The following ROBO2 variants were observed in gnomAD, a reference collection of about 807,000 sequenced individuals.
The protein encoded by ROBO2 is roundabout homolog 2.
In ROBO2, 53 loss-of-function variants were observed where a neutral mutation model predicts 160.8. The ratio of observed to expected loss-of-function variants is 0.33; its 90% CI spans 0.26 to 0.41. The LOEUF is 0.41. Among genes scored for constraint, ROBO2 ranks in the 10% least tolerant of loss-of-function variants. The pLI is 1.00. For missense variants in ROBO2, 1,577 were observed against 1,722.4 expected (o/e 0.92, Z 1.49); for synonymous variants, 664 against 611.7 (o/e 1.09, Z -1.26).
At chr3:77,247,647 C>T (rs1279197668) in intron 2 of ROBO2, among the ~76,000 whole-genome samples, 1 of 152,192 alleles carries the variant, frequency 6.6e-6, no homozygotes, top group Non-Finnish European at 1.5e-5. Context: ...TTAGAATCCT[C>T]TTCCTTGACG....
intron 2 of ROBO2, among the ~76,000 whole-genome samples, chr3:76,601,826 C>T (rs1486833869): frequency 6.6e-6 from 1 of 152,182 alleles, no homozygotes; most frequent in East Asian, 1.9e-4. Flanking sequence ...ATGAATTTCC[C>T]CTCAGAAAAT....
At chr3:75,947,302 A>G (rs966398697) in intron 2 of ROBO2, among the ~76,000 whole-genome samples, 1 of 152,152 alleles carries the variant, frequency 6.6e-6, no homozygotes, top group Admixed American at 6.6e-5. Flanking sequence ...TGTGAGTTAG[A>G]TAATCATAGC....
intron 2 of ROBO2, among the ~76,000 whole-genome samples, chr3:76,394,709 C>G (rs936132649): frequency 6.6e-6 from 1 of 151,920 alleles, no homozygotes; most frequent in East Asian, 1.9e-4. Context: ...CTTGAAACCA[C>G]CAACGATCAA....
intron 23 of ROBO2, among the ~76,000 whole-genome samples, chr3:77,628,225 T>C (rs1296056662): frequency 6.6e-6 from 1 of 152,170 alleles, no homozygotes; most frequent in Non-Finnish European, 1.5e-5. Context: ...GTATTGATTA[T>C]GTTTGGGGCT....
chr3:77,623,463 T>C (rs1205074157), intron 23 of ROBO2, among the ~76,000 whole-genome samples: 2 of 152,210 alleles, frequency 1.3e-5, no homozygotes, highest in Non-Finnish European at 2.9e-5. Context: ...TGGGAACTGG[T>C]TTATGACAGG....
chr3:76,215,869 A>G (rs1703486139), intron 2 of ROBO2, among the ~76,000 whole-genome samples: 1 of 152,222 alleles, frequency 6.6e-6, no homozygotes, highest in Non-Finnish European at 1.5e-5. Context: ...CAGATTCACC[A>G]AAGTTGAAAT....
chr3:76,428,165 C>A (rs551027879), intron 2 of ROBO2, among the ~76,000 whole-genome samples: 152 of 152,138 alleles, frequency 1.0e-3, no homozygotes, highest in Non-Finnish European at 1.8e-3. Flanking sequence ...ATATAGAAGA[C>A]CTCATAAGTT....
At position 76,385,620 on chromosome 3, in the gene ROBO2, A is replaced by G. The variant is rs112607582; in HGVS notation, c.109+448018A>G. ...ATAGAATTTGCATAATCACATAATT[A>G]TTAAACTCAGGCATTTTTCAAAGGC... On this transcript the variant is annotated intron_variant, in intron 2 of 26. Coordinates refer to the ROBO2 transcript ENST00000487694. Among the ~76,000 whole-genome samples the G allele has an allele frequency of 4.4e-3, 666 of 152,382 alleles. 5 individuals are homozygous for G. Among genetic ancestry groups the G allele is most frequent in the African/African-American group, 0.015 (632 of 41,594 alleles).
At chr3:76,284,320 T>G (rs1708399394) in intron 2 of ROBO2, among the ~76,000 whole-genome samples, 1 of 151,988 alleles carries the variant, frequency 6.6e-6, no homozygotes, top group Non-Finnish European at 1.5e-5. Context: ...TTAATTATCC[T>G]AAGGAGATTC....
chr3:77,033,420 A>C (rs2149567180), intron 2 of ROBO2, among the ~76,000 whole-genome samples: 1 of 152,344 alleles, frequency 6.6e-6, no homozygotes. Context: ...AACATGACTC[A>C]GAATGAGGGC....
chr3:76,840,537 A>T (rs1418294133), intron 2 of ROBO2, among the ~76,000 whole-genome samples: 2 of 150,476 alleles, frequency 1.3e-5, no homozygotes, highest in Non-Finnish European at 3.0e-5. Flanking sequence ...TTGAACCCAG[A>T]AGGTGGAACT....
At chr3:76,372,510 C>T (rs552279488) in intron 2 of ROBO2, among the ~76,000 whole-genome samples, 21 of 152,098 alleles carry the variant, frequency 1.4e-4, no homozygotes, top group Admixed American at 1.4e-3. Flanking sequence ...AACTCCCAAA[C>T]TGTACCTTAA....
At chr3:76,451,966 T>C (rs2077497338) in intron 2 of ROBO2, among the ~76,000 whole-genome samples, 1 of 152,176 alleles carries the variant, frequency 6.6e-6, no homozygotes, top group African/African-American at 2.4e-5. Flanking sequence ...GTTAGATTTA[T>C]GTTGGTATGG....
chr3:76,907,237 T>C (rs2075667317), intron 2 of ROBO2, among the ~76,000 whole-genome samples: 1 of 152,210 alleles, frequency 6.6e-6, no homozygotes, highest in Non-Finnish European at 1.5e-5. Flanking sequence ...CGTTACTCCT[T>C]CCTTTTTGGG....
intron 2 of ROBO2, among the ~76,000 whole-genome samples, chr3:77,240,308 C>G (rs1019814926): frequency 2.0e-5 from 3 of 152,182 alleles, no homozygotes; most frequent in Non-Finnish European, 4.4e-5. Context: ...ACCCGGCGCT[C>G]CCTCTGCAGC....
intron 2 of ROBO2, among the ~76,000 whole-genome samples, chr3:76,565,080 A>G (rs1259051754): frequency 2.0e-5 from 3 of 152,198 alleles, no homozygotes; most frequent in African/African-American, 7.2e-5. Flanking sequence ...TGTGATAACA[A>G]TTAGCCATCT....
intron 2 of ROBO2, among the ~76,000 whole-genome samples, chr3:76,540,729 T>C (rs1488743319): frequency 6.6e-6 from 1 of 152,170 alleles, no homozygotes; most frequent in African/African-American, 2.4e-5. Flanking sequence ...CCATTGGCCT[T>C]GACATAAGAA....
intron 2 of ROBO2, among the ~76,000 whole-genome samples, chr3:75,978,090 A>C (rs371924867): frequency 1.5e-4 from 23 of 151,574 alleles, no homozygotes; most frequent in African/African-American, 5.1e-4. Flanking sequence ...ATCTGAAAAA[A>C]TCAGCGATAG....
At chr3:77,276,718 C>T (rs377086660) in intron 2 of ROBO2, among the ~76,000 whole-genome samples, 1 of 152,096 alleles carries the variant, frequency 6.6e-6, no homozygotes, top group African/African-American at 2.4e-5. Flanking sequence ...TCTGTTCTCA[C>T]GTGGCTAATA....
Sources: gnomAD v4.1 joint callset for allele counts (sites outside exome capture counted in the v4.1 genomes callset) on GRCh38, gnomAD v4.1.1 for gene constraint, MANE v1.5 for transcripts, NCBI Gene and HGNC (gene_info 2026-07-23, HGNC 2026-07-21) for gene names.